CFAP54: variants seen among roughly 807,000 people sequenced by gnomAD.
The protein encoded by CFAP54 is cilia- and flagella-associated protein 54.
A neutral mutation model predicts 370.4 loss-of-function variants in CFAP54; 290 were observed. The ratio of observed to expected loss-of-function variants is 0.78; its 90% CI spans 0.71 to 0.86. CFAP54 has a LOEUF of 0.86. Among genes scored for constraint, CFAP54 ranks in the 40% least tolerant of loss-of-function variants. The pLI, the probability that CFAP54 is intolerant of heterozygous loss-of-function variation, is 0.00. For missense variants in CFAP54, 3,399 were observed against 3,528.7 expected (o/e 0.96, Z 0.93); for synonymous variants, 1,206 against 1,236.5 (o/e 0.98, Z 0.52).
intron 26 of CFAP54, among the ~76,000 whole-genome samples, chr12:96,612,504 G>C (rs1093230): frequency 0.67 from 102,491 of 152,020 alleles, 34,718 homozygotes; most frequent in East Asian, 0.71. Flanking sequence ...AACTAGCTAT[G>C]ATTATAATAA....
chr12:96,641,689 C>A (rs1315877834), intron 32 of CFAP54, among the ~76,000 whole-genome samples: 2 of 152,112 alleles, frequency 1.3e-5, no homozygotes, highest in African/African-American at 4.8e-5. Flanking sequence ...AAATGTCCAA[C>A]AATGATAGAC....
chr12:96,704,520 AAGTT>A (rs746265606), intron 46 of CFAP54, among the ~76,000 whole-genome samples: 1 of 138,714 alleles, frequency 7.2e-6, no homozygotes, highest in Non-Finnish European at 1.6e-5. Flanking sequence ...CATCAAAAAG[AAGTT>A]AGTAGGAAAA....
At chr12:96,848,130 A>G (rs1649292541) in intron 66 of CFAP54, among the ~76,000 whole-genome samples, 1 of 152,072 alleles carries the variant, frequency 6.6e-6, no homozygotes, top group African/African-American at 2.4e-5. Flanking sequence ...AGGCTGTAGT[A>G]CAATGGCACA....
At chr12:96,709,444 C>T (rs1957585274) in intron 48 of CFAP54, among the ~76,000 whole-genome samples, 1 of 152,116 alleles carries the variant, frequency 6.6e-6, no homozygotes, top group African/African-American at 2.4e-5. Context: ...GTGATTTTTA[C>T]CATTCAGTAT....
intron 64 of CFAP54, among the ~76,000 whole-genome samples, chr12:96,812,823 A>G (rs973234913): frequency 1.3e-5 from 2 of 152,072 alleles, no homozygotes; most frequent in Non-Finnish European, 2.9e-5. Context: ...TGCTGGGCAT[A>G]TTTTCAATTG....
chr12:96,753,021 A>G (rs1214011347), intron 55 of CFAP54, among the ~76,000 whole-genome samples: 1 of 152,214 alleles, frequency 6.6e-6, no homozygotes, highest in Non-Finnish European at 1.5e-5. Flanking sequence ...AGTCCTTCAG[A>G]GGGTGGCTGG....
chr12:96,847,585 A>G (rs1213225401), intron 66 of CFAP54, among the ~76,000 whole-genome samples: 1 of 152,192 alleles, frequency 6.6e-6, no homozygotes, highest in Admixed American at 6.5e-5. Flanking sequence ...CACAACTCTA[A>G]ACAATAAACA....
chr12:96,860,977 T>C, intron 67 of CFAP54, 25 bp downstream of exon 67: 2 of 1,439,966 alleles, frequency 1.4e-6, no homozygotes, highest in Non-Finnish European at 1.8e-6. Context: ...GATTTAATTG[T>C]TGTTGTTTCT....
chr12:96,651,647 G>A lies in CFAP54; in HGVS notation c.4932G>A (p.Trp1644Ter). Residue 1644 changes from tryptophan to a stop codon, truncating the protein, a stop_gained, in exon 36 of 68, where the codon TGG (tryptophan) becomes TGA (stop). Coordinates refer to ENST00000524981, the MANE Select transcript of CFAP54 (RefSeq NM_001306084.2). LOFTEE classifies it high-confidence loss of function. ...TLLQNCCRAL[W>*]NFTQELQILL... Reference sequence around the variant, plus strand: ...TTCAGAACTGCTGTCGGGCCTTATGGAACTTTACTCAGGAACTACAAATAC... The same window carrying A: ...TTCAGAACTGCTGTCGGGCCTTATGAAACTTTACTCAGGAACTACAAATAC... 1 of 1,614,144 alleles carries A rather than the reference G, an allele frequency of 6.2e-7. No individual in the cohort carries two copies. Among genetic ancestry groups the A allele is most frequent in the Non-Finnish European group, 8.5e-7 (1 of 1,180,032 alleles).
At position 96,538,425 on chromosome 12, in the gene CFAP54, G is replaced by A. The variant is rs1193752619; in HGVS notation, c.1833G>A (p.Met611Ile). The A allele has an allele frequency of 8.5e-6, 13 of 1,535,618 alleles. No homozygotes were observed. The highest frequency in any genetic ancestry group is 9.6e-6 in the Non-Finnish European group (11 of 1,146,646). Residue 611 changes from methionine to isoleucine, a missense_variant, in exon 13 of 68, where the codon ATG (methionine) becomes ATA (isoleucine). By Grantham distance (10) the Met-to-Ile change is conservative. Coordinates refer to ENST00000524981, the MANE Select transcript of CFAP54 (RefSeq NM_001306084.2). ...PDKEIVVDTI[M>I]FLWQKCKLGI... ...AAGAAATTGTTGTGGACACGATAAT[G>A]TTCCTATGGCAGAAATGCAAATTAG...
At position 96,617,176 on chromosome 12, in the gene CFAP54, G is replaced by A. The variant is rs117857800; in HGVS notation, c.3640-4414G>A. Among the ~76,000 whole-genome samples the A allele has an allele frequency of 2.1e-3, 320 of 152,306 alleles. 1 individual carries two copies. The highest frequency in any genetic ancestry group is 2.7e-3 in the Non-Finnish European group (184 of 68,024). ...AGGAGTAACTTTGTGTAGTGAATGG[G>A]GAGAAGGTAATGAGTTTTAAACAGA... On this transcript the variant is annotated intron_variant, in intron 26 of 67. Transcript: ENST00000524981.
At chr12:96,795,709 C>T (rs1234663287) in intron 63 of CFAP54, among the ~76,000 whole-genome samples, 2 of 152,030 alleles carry the variant, frequency 1.3e-5, no homozygotes, top group East Asian at 1.9e-4. Flanking sequence ...ACAAGCCTCC[C>T]CGCTAAGAAA....
intron 50 of CFAP54, among the ~76,000 whole-genome samples, chr12:96,727,395 G>A (rs12229551): frequency 1.4e-5 from 2 of 141,494 alleles, no homozygotes; most frequent in African/African-American, 2.7e-5. Flanking sequence ...GATAGTTAGC[G>A]CTTCTTGTTG....
intron 26 of CFAP54, among the ~76,000 whole-genome samples, chr12:96,606,426 A>G (rs1956301637): frequency 6.6e-6 from 1 of 152,246 alleles, no homozygotes; most frequent in Non-Finnish European, 1.5e-5. Flanking sequence ...TGTAAACAGA[A>G]TCACTGTATT....
chr12:96,532,472 T>C (rs569655381), intron 9 of CFAP54, among the ~76,000 whole-genome samples: 1 of 152,170 alleles, frequency 6.6e-6, no homozygotes, highest in South Asian at 2.1e-4. Context: ...TAGATAAGAA[T>C]TTCCTTGACT....
At position 96,817,855 on chromosome 12, in the gene CFAP54, C is replaced by T; in HGVS notation, c.9038C>T (p.Ser3013Leu). The change falls in exon 65 of 68, where the codon TCA (serine) becomes TTA (leucine). Residue 3013 changes from serine to leucine, a missense_variant. By Grantham distance (145) the Ser-to-Leu change is moderately radical. Transcript: ENST00000524981. ...LSLPAAPEIT[S>L]NENIYEVEVE... Reference sequence around the variant, plus strand: ...TTGCCAGCAGCTCCTGAAATTACCTCAAATGAAAACATATATGAAGTAGAA... The same window carrying T: ...TTGCCAGCAGCTCCTGAAATTACCTTAAATGAAAACATATATGAAGTAGAA... The T allele has an allele frequency of 6.6e-7, 1 of 1,514,632 alleles. No homozygotes were observed. Among genetic ancestry groups the T allele is most frequent in the Non-Finnish European group, 8.8e-7 (1 of 1,134,320 alleles). 93.8% of individuals were successfully genotyped at this position (1,514,632 alleles called of 1,614,324 possible). A position where few individuals can be genotyped will look rare whatever the true frequency, so the allele number is the denominator to read the frequency against.
chr12:96,857,738 C>G lies in CFAP54; in HGVS notation c.9172-3081C>G, dbSNP rs114847532. Among the ~76,000 whole-genome samples, 566 of 152,250 alleles carry G rather than the reference C, an allele frequency of 3.7e-3. 3 individuals are homozygous for G. The highest frequency in any genetic ancestry group is 0.013 in the African/African-American group (544 of 41,554). ...TGATAGTTTAAAAGTGGCTCTTCCT[C>G]CTTTGTTCTCTCTTTTCTCCCACCC... On this transcript the variant is annotated intron_variant, in intron 66 of 67. Coordinates refer to ENST00000524981, the MANE Select transcript of CFAP54 (RefSeq NM_001306084.2).
chr12:96,554,705 C>T lies in CFAP54; in HGVS notation c.2313C>T (p.Tyr771=). ...CCCACCATATAGATGGAGATACTTA[C>T]AAACCACTTGCCTCAAATAGTTTCA... The part of the protein sequence containing the change: ...KRTHHIDGDT[Y]KPLASNSFMM... Residue 771 remains tyrosine, a synonymous_variant, in exon 17 of 68, where the codon TAC becomes TAT. Transcript: ENST00000524981. The T allele has an allele frequency of 6.5e-7, 1 of 1,534,286 alleles. No homozygotes were observed. The highest frequency in any genetic ancestry group is 8.7e-7 in the Non-Finnish European group (1 of 1,145,762).
chr12:96,498,362 A>G (rs1029036729), intron 1 of CFAP54, among the ~76,000 whole-genome samples: 1 of 152,252 alleles, frequency 6.6e-6, no homozygotes, highest in East Asian at 1.9e-4. Flanking sequence ...ATGCAGTATT[A>G]TGAAACTCCT....
Sources: allele counts gnomAD v4.1 joint callset (sites outside exome capture counted in the v4.1 genomes callset), GRCh38; gene constraint gnomAD v4.1.1; transcripts MANE v1.5; gene names NCBI Gene and HGNC (gene_info 2026-07-23, HGNC 2026-07-21).